Variants in HK1 observed in about 807,000 individuals in gnomAD.
HK1 encodes hexokinase-1.
Under a neutral mutation model 91.6 loss-of-function variants are expected in HK1, and 28 were observed. That is an observed-to-expected ratio of 0.31 (90% CI 0.23 to 0.42). The LOEUF is 0.42. Among genes scored for constraint, HK1 ranks in the 10% least tolerant of loss-of-function variants. The pLI is 1.00. For missense variants in HK1, 770 were observed against 1,219.8 expected (o/e 0.63, Z 5.49); for synonymous variants, 430 against 468.1 (o/e 0.92, Z 1.05).
chr10:69,277,995 T>C (rs1844553437), intron 1 of HK1, among the ~76,000 whole-genome samples: 1 of 151,540 alleles, frequency 6.6e-6, no homozygotes, highest in Non-Finnish European at 1.5e-5. Context: ...ATTGTGCCAT[T>C]GCACTCCAGC....
chr10:69,343,317 G>C (rs1848384086), intron 1 of HK1, among the ~76,000 whole-genome samples: 1 of 152,158 alleles, frequency 6.6e-6, no homozygotes, highest in Non-Finnish European at 1.5e-5. Flanking sequence ...ATTTGAACTT[G>C]TCCTATATGT....
intron 3 of HK1, among the ~76,000 whole-genome samples, chr10:69,361,443 CT>C (rs1339524361): frequency 1.2e-4 from 18 of 152,250 alleles, no homozygotes; most frequent in African/African-American, 4.3e-4. Context: ...GCATCCTGCA[CT>C]TTCTGTTTGG....
intron 2 of HK1, among the ~76,000 whole-genome samples, chr10:69,348,967 T>G (rs1048021009): frequency 3.3e-5 from 5 of 152,162 alleles, no homozygotes; most frequent in Non-Finnish European, 5.9e-5. Context: ...TGGCTGTCAT[T>G]AGAAAGTGGA....
At chr10:69,363,885 C>T (rs901610677) in intron 3 of HK1, among the ~76,000 whole-genome samples, 129 of 152,240 alleles carry the variant, frequency 8.5e-4, no homozygotes, top group African/African-American at 3.0e-3. Flanking sequence ...AGCTACAGTG[C>T]GGTAGATAAA....
chr10:69,335,259 C>G (rs1847920193), intron 1 of HK1, among the ~76,000 whole-genome samples: 1 of 152,178 alleles, frequency 6.6e-6, no homozygotes, highest in Non-Finnish European at 1.5e-5. Flanking sequence ...GACCACGGTG[C>G]GGGCCCAGGC....
At chr10:69,293,085 C>G (rs901284550) in intron 3 of HK1, among the ~76,000 whole-genome samples, 1 of 152,240 alleles carries the variant, frequency 6.6e-6, no homozygotes, top group Non-Finnish European at 1.5e-5. Context: ...TCCCAACACT[C>G]ATTTCTGGAG....
chr10:69,397,944 T>A (rs1331623315), intron 16 of HK1, among the ~76,000 whole-genome samples: 1 of 152,204 alleles, frequency 6.6e-6, no homozygotes, highest in African/African-American at 2.4e-5. Flanking sequence ...AAAAAAATGC[T>A]CTTTTCCAGT....
rs1840396885 is a variant in HK1, at chr10:69,401,634, C to CA, written c.*500dup. The CA allele has an allele frequency of 2.6e-6, 1 of 388,316 alleles. No individual in the cohort carries two copies. Among genetic ancestry groups the CA allele is most frequent in the African/African-American group, 2.1e-5 (1 of 47,032 alleles). 24.1% of individuals were successfully genotyped at this position (388,316 alleles called of 1,614,324 possible). ...AGCTGCTTCCTCCCCTCCTGGCACC[C>CA]ACTGTGGCCTGGCATCGCATCGTGG... On this transcript the variant is annotated 3_prime_UTR_variant, in exon 18 of 18. Coordinates refer to ENST00000359426, the MANE Select transcript of HK1 (RefSeq NM_000188.3).
chr10:69,345,475 C>A (rs575411823), intron 2 of HK1, among the ~76,000 whole-genome samples: 1 of 152,282 alleles, frequency 6.6e-6, no homozygotes, highest in South Asian at 2.1e-4. Context: ...GCACTGGAAC[C>A]TTTCCAGGAT....
intron 1 of HK1, among the ~76,000 whole-genome samples, chr10:69,276,090 C>CAAAAAAAAAAAAAA (rs60324656): frequency 6.3e-5 from 1 of 15,946 alleles, no homozygotes; most frequent in Non-Finnish European, 1.1e-4. Flanking sequence ...AACTCCTTTT[C>CAAAAAAAAAAAAAA]AAAAAAAAAA....
intron 3 of HK1, 63 bp from the exon 4 acceptor site, chr10:69,364,720 T>C: frequency 1.2e-6 from 2 of 1,601,160 alleles, no homozygotes; most frequent in African/African-American, 1.3e-5. Context: ...GAATGGTTTA[T>C]ATTTTTCTAT....
chr10:69,276,175 A>G (rs1002952936), intron 1 of HK1, among the ~76,000 whole-genome samples: 3 of 139,106 alleles, frequency 2.2e-5, no homozygotes, highest in Non-Finnish European at 3.1e-5. Flanking sequence ...AAGTAATTCT[A>G]TATATTTATT....
At chr10:69,287,802 A>T (rs1016903626) in intron 2 of HK1, among the ~76,000 whole-genome samples, 1 of 152,138 alleles carries the variant, frequency 6.6e-6, no homozygotes, top group African/African-American at 2.4e-5. Context: ...TAATGTGTAC[A>T]TTATAAAGAA....
intron 1 of HK1, among the ~76,000 whole-genome samples, chr10:69,325,840 AT>A (rs533964611): frequency 0.014 from 1,887 of 133,888 alleles, 15 homozygotes; most frequent in Middle Eastern, 0.032. Context: ...TCTGGACTGC[AT>A]TTTTTTTTTT....
upstream of HK1, among the ~76,000 whole-genome samples, chr10:69,314,760 C>A (rs1160737164): frequency 6.6e-6 from 1 of 152,166 alleles, no homozygotes; most frequent in Non-Finnish European, 1.5e-5. Flanking sequence ...CTCCACCTCC[C>A]AGGTTCAAGC....
At chr10:69,391,425 C>T (rs1021261377) in intron 14 of HK1, among the ~76,000 whole-genome samples, 1 of 152,204 alleles carries the variant, frequency 6.6e-6, no homozygotes, top group Non-Finnish European at 1.5e-5. Flanking sequence ...GAGGGTAGCT[C>T]GAGCCCAGGA....
intron 3 of HK1, among the ~76,000 whole-genome samples, chr10:69,291,653 G>A (rs943881286): frequency 1.3e-5 from 2 of 152,156 alleles, no homozygotes; most frequent in Non-Finnish European, 2.9e-5. Flanking sequence ...CAAGCTCAAG[G>A]CTGAAAGTGA....
intron 2 of HK1, among the ~76,000 whole-genome samples, chr10:69,346,348 G>A (rs72807706): frequency 0.035 from 5,256 of 152,286 alleles, 151 homozygotes; most frequent in African/African-American, 0.071. Flanking sequence ...GGCAAAGGAA[G>A]GAAACAAGCC....
chr10:69,322,629 A>G (rs1207702785), intron 1 of HK1, among the ~76,000 whole-genome samples: 2 of 152,196 alleles, frequency 1.3e-5, no homozygotes, highest in African/African-American at 2.4e-5. Flanking sequence ...AGTGGCTCAC[A>G]CCTGTAATCT....
Sources: allele counts gnomAD v4.1 joint callset (sites outside exome capture counted in the v4.1 genomes callset), GRCh38; gene constraint gnomAD v4.1.1; transcripts MANE v1.5; gene names NCBI Gene and HGNC (gene_info 2026-07-23, HGNC 2026-07-21).